The following USP16 variants were observed in gnomAD, a reference collection of about 807,000 sequenced individuals.
USP16 encodes ubiquitin carboxyl-terminal hydrolase 16.
A neutral mutation model predicts 95.9 loss-of-function variants in USP16; 77 were observed. That is an observed-to-expected ratio of 0.80 (90% CI 0.67 to 0.97). USP16 has a LOEUF of 0.97. Among genes scored for constraint, USP16 ranks in the 50% least tolerant of loss-of-function variants. USP16 has a pLI of 0.00. For missense variants in USP16, 943 were observed against 959.9 expected (o/e 0.98, Z 0.23); for synonymous variants, 303 against 318.2 (o/e 0.95, Z 0.51).
At chr21:29,036,818 G>GT (rs1328219570) in intron 5 of USP16, among the ~76,000 whole-genome samples, 1 of 152,184 alleles carries the variant, frequency 6.6e-6, no homozygotes, top group Non-Finnish European at 1.5e-5. Context: ...CTTTAAGCAT[G>GT]TTTTTTAAGT....
At chr21:29,029,567 C>G (rs2085048276) in intron 2 of USP16, among the ~76,000 whole-genome samples, 1 of 152,162 alleles carries the variant, frequency 6.6e-6, no homozygotes, top group East Asian at 1.9e-4. Context: ...TGCCACTTGA[C>G]TAGTTTCTAA....
In USP16 at chr21:29,047,085, T is replaced by G. The variant is rs145111205; in HGVS notation, c.1775T>G (p.Ile592Arg). 2.0e-4 allele frequency: 328 copies of G among 1,614,052 alleles called. 1 individual carries two copies. The African/African-American group carries it at 3.4e-3, about 17-fold the overall frequency. Residue 592 changes from isoleucine to arginine, a missense_variant, in exon 14 of 18, where the codon ATA becomes AGA. Coordinates refer to ENST00000399976, the MANE Select transcript of USP16 (RefSeq NM_006447.3). ...NAALHPDEIN[I>R]EILNDSHTPG... ...GCTCTTCATCCTGATGAAATAAATA[T>G]AGAGATTCTGAATGATAGTCATACT... is the stretch of plus-strand genomic sequence containing the variant.
intron 13 of USP16, among the ~76,000 whole-genome samples, chr21:29,046,189 A>G (rs2085320516): frequency 6.6e-6 from 1 of 152,158 alleles, no homozygotes; most frequent in South Asian, 2.1e-4. Flanking sequence ...AGTTTGGAGT[A>G]TAGTGTGCAT....
chr21:29,042,627 G>A, intron 12 of USP16, 99 bp downstream of exon 12: 1 of 1,036,314 alleles, frequency 9.6e-7, no homozygotes, highest in South Asian at 1.6e-5. Flanking sequence ...TATATTACTA[G>A]CCCATGCAGA....
At chr21:29,033,289 ATGT>A (rs1437366673) in intron 3 of USP16, among the ~76,000 whole-genome samples, 1 of 152,226 alleles carries the variant, frequency 6.6e-6, no homozygotes, top group South Asian at 2.1e-4. Context: ...ATCTCAAATG[ATGT>A]TGTAATTTTC....
At chr21:29,042,934 G>A (rs2085266665) in intron 12 of USP16, 1 of 160,944 alleles carries the variant, frequency 6.2e-6, no homozygotes, top group East Asian at 1.8e-4. Flanking sequence ...GAGATGTTAT[G>A]AGTATTGGAT....
chr21:29,033,897 G>A (rs1290878701), intron 3 of USP16, among the ~76,000 whole-genome samples: 1 of 152,176 alleles, frequency 6.6e-6, no homozygotes, highest in Non-Finnish European at 1.5e-5. Flanking sequence ...TGAAGAGTGG[G>A]TGGGATTTGG....
At chr21:29,051,371 G>A (rs1424679711) in intron 16 of USP16, among the ~76,000 whole-genome samples, 1 of 152,208 alleles carries the variant, frequency 6.6e-6, no homozygotes, top group African/African-American at 2.4e-5. Context: ...TTAGAAATCA[G>A]TACATATGTG....
intron 1 of USP16, among the ~76,000 whole-genome samples, 174 bp from the exon 2 acceptor site, chr21:29,027,699 A>T (rs1007794509): frequency 2.0e-5 from 3 of 152,246 alleles, no homozygotes; most frequent in African/African-American, 7.2e-5. Context: ...GGAGATAACT[A>T]TTCTATCTAC....
rs1237016671 is a variant in USP16, at chr21:29,054,079, A to T, written c.2364A>T (p.Glu788Asp). 1 of 1,614,220 alleles carries T rather than the reference A, an allele frequency of 6.2e-7. No homozygotes were observed. The highest frequency in any genetic ancestry group is 1.1e-5 in the South Asian group (1 of 91,084). The change falls in exon 18 of 18, where the codon GAA becomes GAT. Residue 788 changes from glutamate (E) to aspartate (D), a missense_variant. Coordinates refer to ENST00000399976, the MANE Select transcript of USP16 (RefSeq NM_006447.3). Reference sequence around the variant, plus strand: ...TTCTCATGACAGATTTTGAAATGGAATCAAAAGGGCAGTGGTTTCACATCA... The same window carrying T: ...TTCTCATGACAGATTTTGAAATGGATTCAAAAGGGCAGTGGTTTCACATCA... ...HGDIPQDFEM[E>D]SKGQWFHISD...
intron 9 of USP16, 57 bp downstream of exon 9, chr21:29,039,625 C>A: frequency 6.6e-7 from 1 of 1,513,374 alleles, no homozygotes; most frequent in South Asian, 1.2e-5. Flanking sequence ...CTTTCTGTCT[C>A]ATTTGATATC....
chr21:29,038,667 A>G (rs780824218), intron 7 of USP16, among the ~76,000 whole-genome samples: 6 of 152,204 alleles, frequency 3.9e-5, no homozygotes, highest in Non-Finnish European at 8.8e-5. Flanking sequence ...GGGAATGTGT[A>G]TATGTTTGAG....
chr21:29,034,469 C>T (rs1372230291), intron 3 of USP16, among the ~76,000 whole-genome samples: 1 of 152,022 alleles, frequency 6.6e-6, no homozygotes, highest in Non-Finnish European at 1.5e-5. Flanking sequence ...TGCGCCACCA[C>T]ACCCGGCTAA....
At chr21:29,029,025 C>A (rs192133835) in intron 2 of USP16, among the ~76,000 whole-genome samples, 1 of 152,198 alleles carries the variant, frequency 6.6e-6, no homozygotes, top group South Asian at 2.1e-4. Context: ...TTTCCAGGCC[C>A]CCTATTAGCG....
Position 29,039,019 on chromosome 21 carries a change from TA to T in USP16, c.733-6del. On this transcript the variant is annotated splice_polypyrimidine_tract_variant and splice_region_variant and intron_variant, in intron 7 of 17. Coordinates refer to ENST00000399976, the MANE Select transcript of USP16 (RefSeq NM_006447.3). ...CTGAAGAAAGTAATTTCTTTTCCCA[TA>T]TTCAGGAACCATTAGAAATAAACCT... is the stretch of plus-strand genomic sequence containing the variant. The T allele has an allele frequency of 6.7e-7, 1 of 1,499,684 alleles. No homozygotes were observed. Among genetic ancestry groups the T allele is most frequent in the Non-Finnish European group, 8.9e-7 (1 of 1,126,018 alleles). 92.9% of individuals were successfully genotyped at this position (1,499,684 alleles called of 1,614,324 possible).
At chr21:29,042,552 T>C (rs1340989095) in intron 12 of USP16, 24 bp downstream of exon 12, 3 of 1,576,240 alleles carry the variant, frequency 1.9e-6, no homozygotes, top group South Asian at 2.4e-5. Flanking sequence ...ATTTATTTTA[T>C]TCAAGTAGAT....
At chr21:29,048,238 AC>A (rs1422818851) in intron 14 of USP16, among the ~76,000 whole-genome samples, 16 of 151,922 alleles carry the variant, frequency 1.1e-4, no homozygotes, top group Admixed American at 1.0e-3. Context: ...ACCCGCCACC[AC>A]ACCTGGCTAA....
Position 29,036,276 on chromosome 21 carries a change from AC to A in USP16, c.351del (p.Tyr117Ter). The A allele has an allele frequency of 6.2e-7, 1 of 1,609,018 alleles. No homozygotes were observed. The highest frequency in any genetic ancestry group is 8.5e-7 in the Non-Finnish European group (1 of 1,177,088). ...LSLDNWSVWCYVCDNEVQYCS... is the reference protein window; with the variant it reads ...LSLDNWSVWCXVCDNEVQYCS... ...CTCTGATTTTTGGGTCACAGGTGTT[AC>A]GTATGTGATAATGAGGTCCAGTATT... On this transcript the variant is annotated frameshift_variant, in exon 5 of 18. Coordinates refer to ENST00000399976, the MANE Select transcript of USP16 (RefSeq NM_006447.3). LOFTEE classifies it high-confidence loss of function.
intron 16 of USP16, among the ~76,000 whole-genome samples, chr21:29,050,871 C>T (rs1406452668): frequency 6.6e-6 from 1 of 152,158 alleles, no homozygotes; most frequent in Non-Finnish European, 1.5e-5. Context: ...GTCAGATCTT[C>T]ATATGACGTA....
Sources: allele counts gnomAD v4.1 joint callset (sites outside exome capture counted in the v4.1 genomes callset), GRCh38; gene constraint gnomAD v4.1.1; transcripts MANE v1.5; gene names NCBI Gene and HGNC (gene_info 2026-07-23, HGNC 2026-07-21).